The following CASR variants were observed in gnomAD, a reference collection of about 807,000 sequenced individuals.
CASR encodes calcium sensing receptor, also known as extracellular calcium-sensing receptor.
A neutral mutation model predicts 69.1 loss-of-function variants in CASR; 23 were observed. The observed-to-expected ratio is 0.33, with a 90% confidence interval of 0.24 to 0.47. The LOEUF is 0.47. CASR is among the 20% of genes least tolerant of loss of function. The pLI, the probability that CASR is intolerant of heterozygous loss-of-function variation, is 1.00. For missense variants in CASR, 924 were observed against 1,356.1 expected (o/e 0.68, Z 5.00); for synonymous variants, 541 against 544.7 (o/e 0.99, Z 0.10).
intron 4 of CASR, among the ~76,000 whole-genome samples, chr3:122,263,376 C>A (rs2074650553): frequency 6.6e-6 from 1 of 152,154 alleles, no homozygotes. Flanking sequence ...ACTTTCCACT[C>A]AATGTTCTTT....
At chr3:122,211,296 C>G (rs2074062681) in intron 1 of CASR, among the ~76,000 whole-genome samples, 1 of 152,160 alleles carries the variant, frequency 6.6e-6, no homozygotes, top group African/African-American at 2.4e-5. Flanking sequence ...TCAGAGTGAA[C>G]AGACAACTTA....
chr3:122,208,878 T>C (rs1162619935), intron 1 of CASR, among the ~76,000 whole-genome samples: 1 of 151,964 alleles, frequency 6.6e-6, no homozygotes, highest in Non-Finnish European at 1.5e-5. Context: ...ACGCCTTAGA[T>C]GTAGATTATT....
intron 1 of CASR, among the ~76,000 whole-genome samples, chr3:122,238,996 TC>T: frequency 6.6e-6 from 1 of 152,134 alleles, no homozygotes; most frequent in African/African-American, 2.4e-5. Flanking sequence ...CTTACTACCT[TC>T]CCAGCTGGGG....
chr3:122,253,133 C>T (rs2074515805), intron 1 of CASR, among the ~76,000 whole-genome samples: 1 of 152,064 alleles, frequency 6.6e-6, no homozygotes, highest in Non-Finnish European at 1.5e-5. Flanking sequence ...AACCAGAGAC[C>T]TGCACAAAAA....
intron 1 of CASR, among the ~76,000 whole-genome samples, chr3:122,189,150 G>A (rs916720173): frequency 3.3e-5 from 5 of 152,224 alleles, no homozygotes; most frequent in African/African-American, 1.2e-4. Flanking sequence ...AACAAGATCA[G>A]CCTCTGCCGT....
At chr3:122,270,476 A>G (rs891340737) in intron 4 of CASR, among the ~76,000 whole-genome samples, 11 of 151,964 alleles carry the variant, frequency 7.2e-5, no homozygotes, top group Non-Finnish European at 1.2e-4. Flanking sequence ...ATTTTTCTCT[A>G]TATTTTTGTT....
In CASR at chr3:122,261,767, C is replaced by T. The variant is rs1366676707; in HGVS notation, c.732C>T (p.Ser244=). ...DICIDFSELI[S]QYSDEEEIQH... is the part of the protein sequence containing the mutation. ...GCATCGACTTCAGTGAACTCATCTC[C>T]CAGTACTCTGATGAGGAAGAGATCC... Residue 244 remains serine (S), a synonymous_variant, in exon 4 of 7, where the codon TCC becomes TCT. Transcript: ENST00000639785. The T allele has an allele frequency of 3.7e-6, 6 of 1,614,190 alleles. No individual in the cohort carries two copies. The South Asian group carries it at 5.5e-5, about 15-fold the overall frequency.
chr3:122,248,788 G>A (rs2074453978), intron 1 of CASR, among the ~76,000 whole-genome samples: 1 of 152,176 alleles, frequency 6.6e-6, no homozygotes, highest in African/African-American at 2.4e-5. Context: ...TTGAGGCCAA[G>A]AGGTGAGAGT....
intron 1 of CASR, among the ~76,000 whole-genome samples, chr3:122,221,274 T>G (rs1197284976): frequency 6.6e-6 from 1 of 152,236 alleles, no homozygotes; most frequent in African/African-American, 2.4e-5. Flanking sequence ...CCATTCATTT[T>G]CTTTTCCCCT....
At chr3:122,265,243 A>G (rs1455353930) in intron 4 of CASR, among the ~76,000 whole-genome samples, 1 of 152,184 alleles carries the variant, frequency 6.6e-6, no homozygotes, top group African/African-American at 2.4e-5. Context: ...TGAAATAGAC[A>G]CTTATTAGTT....
At chr3:122,254,903 A>G (rs1240918407) in intron 2 of CASR, among the ~76,000 whole-genome samples, 2 of 152,066 alleles carry the variant, frequency 1.3e-5, no homozygotes, top group African/African-American at 4.8e-5. Context: ...GCATTTTGGA[A>G]CTACTGCCAT....
At chr3:122,252,180 T>C (rs1289673033) in intron 1 of CASR, among the ~76,000 whole-genome samples, 4 of 151,168 alleles carry the variant, frequency 2.6e-5, no homozygotes, top group Non-Finnish European at 5.9e-5. Flanking sequence ...GTGTTTGTAG[T>C]CCCAGCCACT....
rs2074995761 is a variant in CASR at position 122,289,679 on chromosome 3, C to CACCACA, written c.*4488_*4489insACCACA. ...TAGCACCGAGTGGGGCTAGGGGAAC[C>CACCACA]TTCTCCTCTGTTGGGAATAACCACC... is the stretch of plus-strand genomic sequence containing the variant. On this transcript the variant is annotated 3_prime_UTR_variant, in exon 7 of 7. Coordinates refer to ENST00000639785, the MANE Select transcript of CASR (RefSeq NM_000388.4). The CACCACA allele has an allele frequency of 6.6e-6, 1 of 152,376 alleles. No individual in the cohort carries two copies. The highest frequency in any genetic ancestry group is 1.5e-5 in the Non-Finnish European group (1 of 68,190). 9.4% of individuals were successfully genotyped at this position (152,376 alleles called of 1,614,324 possible).
In CASR at chr3:122,190,504, C is replaced by A. The variant is rs1405634299; in HGVS notation, c.-243+6692C>A. Among the ~76,000 whole-genome samples the A allele has an allele frequency of 2.0e-5, 3 of 152,284 alleles. No homozygotes were observed. In the East Asian group the frequency reaches 5.8e-4, roughly 29 times the overall value. On this transcript the variant is annotated intron_variant, in intron 1 of 6. Coordinates refer to ENST00000639785, the MANE Select transcript of CASR (RefSeq NM_000388.4). ...TCGTGACCTTGGGCAGGTTGTCCAA[C>A]CTCTCTATGCCCCATTTTCCTTATC...
intron 1 of CASR, among the ~76,000 whole-genome samples, chr3:122,249,124 C>T (rs915719126): frequency 1.1e-4 from 17 of 152,204 alleles, no homozygotes; most frequent in South Asian, 2.1e-4. Flanking sequence ...ATTTGTTCAA[C>T]GAATATTTGT....
chr3:122,186,491 A>T (rs1296497929), intron 1 of CASR, among the ~76,000 whole-genome samples: 1 of 152,238 alleles, frequency 6.6e-6, no homozygotes. Context: ...TTCATCATTC[A>T]TCATTCAAAA....
At chr3:122,221,961 G>A (rs2074176074) in intron 1 of CASR, among the ~76,000 whole-genome samples, 1 of 151,694 alleles carries the variant, frequency 6.6e-6, no homozygotes, top group Non-Finnish European at 1.5e-5. Context: ...AGCTAGCACA[G>A]TCTCCATAAA....
Position 122,276,033 on chromosome 3 carries a change from C to T in CASR, c.1599C>T (p.Phe533=). 6.2e-7 allele frequency: 1 copy of T among 1,605,676 alleles called. No individual in the cohort carries two copies. Among genetic ancestry groups the T allele is most frequent in the Non-Finnish European group, 8.5e-7 (1 of 1,172,304 alleles). The change falls in exon 5 of 7, where the codon TTC becomes TTT. Residue 533 remains phenylalanine (F), a synonymous_variant. Coordinates refer to ENST00000639785, the MANE Select transcript of CASR (RefSeq NM_000388.4). ...INEEKILWSG[F]SREVPFSNCS... ...AGGAGAAAATCCTGTGGAGTGGGTT[C>T]TCCAGGGAGGTAGGTGCTGTCCATC...
intron 1 of CASR, among the ~76,000 whole-genome samples, chr3:122,245,864 A>G (rs2107617690): frequency 6.6e-6 from 1 of 152,356 alleles, no homozygotes; most frequent in Admixed American, 6.5e-5. Flanking sequence ...CTCATAATAA[A>G]TAGATTCTGT....
Sources: gnomAD v4.1 joint callset for allele counts (sites outside exome capture counted in the v4.1 genomes callset) on GRCh38, gnomAD v4.1.1 for gene constraint, MANE v1.5 for transcripts, NCBI Gene and HGNC (gene_info 2026-07-23, HGNC 2026-07-21) for gene names.